The following DNAJC14 variants were observed in gnomAD, a reference collection of about 807,000 sequenced individuals.
DNAJC14 encodes the protein DnaJ heat shock protein family (Hsp40) member C14.
DNAJC14 carries 12 observed loss-of-function variants against 68.8 expected under a neutral mutation model. The observed-to-expected ratio is 0.17, with a 90% CI of 0.11 to 0.28. DNAJC14 has a LOEUF of 0.28. Among genes scored for constraint, DNAJC14 ranks in the 10% least tolerant of loss-of-function variants. DNAJC14 has a pLI of 1.00. For missense variants in DNAJC14, 764 were observed against 875.6 expected (o/e 0.87, Z 1.61); for synonymous variants, 350 against 321.5 (o/e 1.09, Z -0.95).
In DNAJC14 at chr12:55,821,765, G is replaced by C. The variant is rs541424990; in HGVS notation, c.*212C>G. 5.5e-4 allele frequency: 212 copies of C among 383,612 alleles called. No individual in the cohort carries two copies. The highest frequency in any genetic ancestry group is 8.6e-4 in the Non-Finnish European group (188 of 219,334). 23.8% of individuals were successfully genotyped at this position (383,612 alleles called of 1,614,324 possible). ...CCAGCTACTCAGGAGGCTGAGATGG[G>C]AGAATTGCTTGAACCCGGGAGACAG... On this transcript the variant is annotated 3_prime_UTR_variant, in exon 7 of 7. Transcript: ENST00000678005.
upstream of DNAJC14, chr12:55,829,668 GA>G: frequency 2.1e-6 from 2 of 945,534 alleles, no homozygotes; most frequent in Non-Finnish European, 2.5e-6. Context: ...AGACGGGAAG[GA>G]AAAGAAATAG....
At chr12:55,823,627 G>A (rs758888704) in intron 2 of DNAJC14, 119 bp from the exon 3 acceptor site, 5 of 741,734 alleles carry the variant, frequency 6.7e-6, no homozygotes, top group Non-Finnish European at 1.1e-5. Context: ...GTAGCTTAAT[G>A]ATTAACTGCT....
At position 55,827,415 on chromosome 12, in the gene DNAJC14, G is replaced by A. The variant is rs767504052; in HGVS notation, c.1244C>T (p.Pro415Leu). The A allele has an allele frequency of 6.2e-7, 1 of 1,613,068 alleles. No homozygotes were observed. Among genetic ancestry groups the A allele is most frequent in the Non-Finnish European group, 8.5e-7 (1 of 1,179,548 alleles). The change falls in exon 2 of 7, where the codon CCT becomes CTT. Residue 415 changes from proline to leucine, a missense_variant. Pro to Leu is a moderately conservative substitution (Grantham distance 98). Around this residue, in one of 4 missense-constraint regions of DNAJC14, gnomAD observed 514 missense variants for 521.7 expected, o/e 0.99. Coordinates refer to ENST00000678005, the MANE Select transcript of DNAJC14 (RefSeq NM_032364.6). ...KQNINRQGNA[P>L]VASGRYCQPE... Reference sequence around the variant, plus strand: ...CTGGCAGTAGCGCCCACTAGCTACAGGTGCATTCCCCTGCCTATTAATATT... The same window carrying A: ...CTGGCAGTAGCGCCCACTAGCTACAAGTGCATTCCCCTGCCTATTAATATT...
At chr12:55,825,309 T>G (rs141452934) in intron 2 of DNAJC14, among the ~76,000 whole-genome samples, 99 of 152,256 alleles carry the variant, frequency 6.5e-4, no homozygotes, top group Non-Finnish European at 1.2e-3. Flanking sequence ...ATTGAGGTAA[T>G]TTGCACACTG....
upstream of DNAJC14, chr12:55,830,503 C>T (rs1209402581): frequency 6.6e-6 from 1 of 152,438 alleles, no homozygotes; most frequent in Non-Finnish European, 1.5e-5. Flanking sequence ...AAAGCCCCTT[C>T]CCTGGTCCAC....
Position 55,828,128 on chromosome 12 carries a change from G to A in DNAJC14, c.531C>T (p.Leu177=). 1 of 1,607,784 alleles carries A rather than the reference G, an allele frequency of 6.2e-7. No homozygotes were observed. The highest frequency in any genetic ancestry group is 1.1e-5 in the South Asian group (1 of 90,248). ...LEEEYDDEES[L]KFPSDFSRVS... is the part of the protein sequence containing the mutation. ...CACGTGAAAAATCACTGGGGAACTT[G>A]AGAGATTCTTCATCATCATATTCCT... The change falls in exon 2 of 7, where the codon CTC becomes CTT. Residue 177 remains leucine, a synonymous_variant. Transcript: ENST00000678005.
chr12:55,823,368 AC>A (rs1472494873), intron 3 of DNAJC14, 33 bp downstream of exon 3: 1 of 1,610,874 alleles, frequency 6.2e-7, no homozygotes, highest in Non-Finnish European at 8.5e-7. Flanking sequence ...TTTTTCATTT[AC>A]CATTATCTGA....
chr12:55,821,862 T>G lies in DNAJC14; in HGVS notation c.*115A>C, dbSNP rs915277338. 1.6e-5 allele frequency: 20 copies of G among 1,212,742 alleles called. No homozygotes were observed. The highest frequency in any genetic ancestry group is 4.6e-5 in the African/African-American group (3 of 64,710). The allele number at this position is 1,212,742 out of a possible 1,614,324, so 75.1% of individuals were successfully genotyped here. A position where few individuals can be genotyped will look rare whatever the true frequency, so the allele number is the denominator to read the frequency against. ...CAGAGCAAGACTCCATCTCAAAAAA[T>G]AAAAAGAAAAAGATTCAGTTCCTAG... On this transcript the variant is annotated 3_prime_UTR_variant, in exon 7 of 7. Coordinates refer to ENST00000678005, the MANE Select transcript of DNAJC14 (RefSeq NM_032364.6).
intron 2 of DNAJC14, among the ~76,000 whole-genome samples, chr12:55,826,271 CTTT>C (rs1164806475): frequency 8.2e-5 from 7 of 85,798 alleles, no homozygotes; most frequent in Admixed American, 7.2e-4. Flanking sequence ...GGGAAAATAT[CTTT>C]TTTTTTTTTT....
rs1182566161 is a variant in DNAJC14 at position 55,828,325 on chromosome 12, C to T, written c.334G>A (p.Glu112Lys). The T allele has an allele frequency of 1.7e-5, 28 of 1,613,366 alleles. No individual in the cohort carries two copies. The highest frequency in any genetic ancestry group is 2.2e-5 in the Non-Finnish European group (26 of 1,179,854). ...TTCCCATCCTTCTGGTTCCCAGTCT[C>T]GTTTTCTTTTGAGAGTTCCTGGTCC... ...GVDQELSKEN[E>K]TGNQKDGNSF... Residue 112 changes from glutamate (E) to lysine (K), a missense_variant, in exon 2 of 7, where the codon GAG becomes AAG. Around this residue, in one of 4 missense-constraint regions of DNAJC14, gnomAD observed 514 missense variants for 521.7 expected, o/e 0.99. Transcript: ENST00000678005.
upstream of DNAJC14, chr12:55,829,708 C>T (rs1230787238): frequency 1.4e-6 from 1 of 710,424 alleles, no homozygotes; most frequent in Non-Finnish European, 1.7e-6. Context: ...GCCAATCCAG[C>T]TAGGGCTGCG....
intron 2 of DNAJC14, among the ~76,000 whole-genome samples, chr12:55,826,233 G>T (rs1418237967): frequency 6.6e-6 from 1 of 151,560 alleles, no homozygotes; most frequent in Admixed American, 6.6e-5. Flanking sequence ...CAAACAAAAT[G>T]GAGGGAAGAT....
At position 55,828,195 on chromosome 12, in the gene DNAJC14, T is replaced by C. The variant is rs1880857176; in HGVS notation, c.464A>G (p.His155Arg). The change falls in exon 2 of 7, where the codon CAC becomes CGC. Residue 155 changes from histidine to arginine, a missense_variant. His to Arg is a conservative substitution (Grantham distance 29). This residue lies in a region of DNAJC14 where 514 missense variants were observed against 521.7 expected (regional missense o/e 0.99). Coordinates refer to ENST00000678005, the MANE Select transcript of DNAJC14 (RefSeq NM_032364.6). ...CCCCAAAGCTGGAGAGGTACAGTGGTGGCAAAAGTTGCTAGAAGAACCATT... is the reference window on the plus strand; with the variant it reads ...CCCCAAAGCTGGAGAGGTACAGTGGCGGCAAAAGTTGCTAGAAGAACCATT... Reference protein sequence around the residue: ...GGNGSSSNFCHHCTSPALGED... With the variant: ...GGNGSSSNFCRHCTSPALGED... 6.2e-7 allele frequency: 1 copy of C among 1,611,420 alleles called. No individual in the cohort carries two copies. Among genetic ancestry groups the C allele is most frequent in the African/African-American group, 1.3e-5 (1 of 74,712 alleles).
Position 55,828,585 on chromosome 12 carries a change from A to G in DNAJC14, c.74T>C (p.Leu25Ser), listed in dbSNP as rs1331337758. 2 of 1,613,954 alleles carry G rather than the reference A, an allele frequency of 1.2e-6. No homozygotes were observed. The highest frequency in any genetic ancestry group is 1.3e-5 in the African/African-American group (1 of 74,868). The change falls in exon 2 of 7, where the codon TTA (leucine) becomes TCA (serine). Residue 25 changes from leucine to serine, a missense_variant. Around this residue, in one of 4 missense-constraint regions of DNAJC14, gnomAD observed 514 missense variants for 521.7 expected, o/e 0.99. Transcript: ENST00000678005. ...HHSGGASLRTLGPSVDPEIPS... is the reference protein window; with the variant it reads ...HHSGGASLRTSGPSVDPEIPS... ...TATTTCAGGGTCCACGGAGGGTCCTAAAGTCCTGAGGGAGGCACCACCACT... is the reference window on the plus strand; with the variant it reads ...TATTTCAGGGTCCACGGAGGGTCCTGAAGTCCTGAGGGAGGCACCACCACT...
rs567984544 is a variant in DNAJC14 at position 55,823,903 on chromosome 12, C to T, written c.1408-395G>A. ...ATTTTTAGTGGAGACGGGGTTTCAT[C>T]TAGTTGGCCAGTCTGGTCTCGAACT... On this transcript the variant is annotated intron_variant, in intron 2 of 6. Coordinates refer to ENST00000678005, the MANE Select transcript of DNAJC14 (RefSeq NM_032364.6). Among the ~76,000 whole-genome samples the T allele has an allele frequency of 7.3e-5, 11 of 149,904 alleles. No homozygotes were observed. The South Asian group carries it at 1.5e-3, about 20-fold the overall frequency.
chr12:55,822,281 A>G, intron 6 of DNAJC14, 92 bp downstream of exon 6: 10 of 1,534,724 alleles, frequency 6.5e-6, no homozygotes, highest in Non-Finnish European at 7.9e-6. Flanking sequence ...TTCCTAGAAA[A>G]CAAGGCCCCT....
chr12:55,821,852 T>A lies in DNAJC14; in HGVS notation c.*125A>T. 1 of 1,099,044 alleles carries A rather than the reference T, an allele frequency of 9.1e-7. No individual in the cohort carries two copies. Among genetic ancestry groups the A allele is most frequent in the Non-Finnish European group, 1.3e-6 (1 of 776,182 alleles). The allele number at this position is 1,099,044 out of a possible 1,614,324, so 68.1% of individuals were successfully genotyped here. A position where few individuals can be genotyped will look rare whatever the true frequency, so the allele number is the denominator to read the frequency against. On this transcript the variant is annotated 3_prime_UTR_variant, in exon 7 of 7. Coordinates refer to ENST00000678005, the MANE Select transcript of DNAJC14 (RefSeq NM_032364.6). ...AGCTGGGCAACAGAGCAAGACTCCATCTCAAAAAATAAAAAGAAAAAGATT... is the reference window on the plus strand; with the variant it reads ...AGCTGGGCAACAGAGCAAGACTCCAACTCAAAAAATAAAAAGAAAAAGATT...
rs1181606705 is a variant in DNAJC14 at position 55,828,396 on chromosome 12, T to C, written c.263A>G (p.Glu88Gly). ...PGGPGPPRDA[E>G]DPDQSETSSE... is the part of the protein sequence containing the mutation. ...AGACGTCTCACTCTGATCAGGGTCC[T>C]CTGCATCTCTAGGTGGTCCTGGACC... Residue 88 changes from glutamate to glycine, a missense_variant, in exon 2 of 7, where the codon GAG (glutamate) becomes GGG (glycine). This residue lies in a region of DNAJC14 where 514 missense variants were observed against 521.7 expected (regional missense o/e 0.99). Coordinates refer to ENST00000678005, the MANE Select transcript of DNAJC14 (RefSeq NM_032364.6). 5 of 1,614,142 alleles carry C rather than the reference T, an allele frequency of 3.1e-6. No individual in the cohort carries two copies. Among genetic ancestry groups the C allele is most frequent in the African/African-American group, 2.7e-5 (2 of 75,034 alleles).
At chr12:55,825,055 G>C (rs975291673) in intron 2 of DNAJC14, among the ~76,000 whole-genome samples, 5 of 151,394 alleles carry the variant, frequency 3.3e-5, no homozygotes, top group Admixed American at 2.0e-4. Flanking sequence ...ACCTAAGCCT[G>C]GGGGATCAAG....
Sources: allele counts gnomAD v4.1 joint callset (sites outside exome capture counted in the v4.1 genomes callset), GRCh38; gene constraint gnomAD v4.1.1; regional missense constraint gnomAD v4.1.1; transcripts MANE v1.5; gene names NCBI Gene and HGNC (gene_info 2026-07-23, HGNC 2026-07-21).